CCDC88A: variants seen among roughly 807,000 people sequenced by gnomAD.
The protein encoded by CCDC88A is girdin.
A neutral mutation model predicts 234.3 loss-of-function variants in CCDC88A; 54 were observed. The ratio of observed to expected loss-of-function variants is 0.23; its 90% confidence interval spans 0.19 to 0.29. The LOEUF (loss-of-function observed/expected upper bound fraction) is 0.29, where lower values mean the gene tolerates loss of function less well. CCDC88A is among the 10% of genes least tolerant of loss of function. The probability of loss-of-function intolerance (pLI) is 1.00; values close to 1 mark genes in which losing one functional copy is unlikely to be tolerated. For synonymous variants in CCDC88A, 753 were observed against 737.8 expected (o/e 1.02, Z -0.33); for missense variants, 1,832 against 2,123.4 (o/e 0.86, Z 2.70).
chr2:55,302,802 T>C (rs1490789629), intron 26 of CCDC88A: 3 of 250,934 alleles, frequency 1.2e-5, no homozygotes, highest in Non-Finnish European at 2.3e-5. Context: ...AGGGTTTTTT[T>C]CCTGCCAATT....
At chr2:55,351,094 G>A (rs1333691787) in intron 8 of CCDC88A, among the ~76,000 whole-genome samples, 3 of 152,208 alleles carry the variant, frequency 2.0e-5, no homozygotes, top group South Asian at 2.1e-4. Flanking sequence ...GTGTATTTCA[G>A]GATAGTTTTC....
chr2:55,297,767 C>T (rs888879536), intron 29 of CCDC88A, among the ~76,000 whole-genome samples: 1 of 151,948 alleles, frequency 6.6e-6, no homozygotes, highest in African/African-American at 2.4e-5. Context: ...GTTCTAAATG[C>T]AGAAAATTCT....
At position 55,318,112 on chromosome 2, in the gene CCDC88A, G is replaced by T. The variant is rs74904540; in HGVS notation, c.3325-271C>A. On this transcript the variant is annotated intron_variant, in intron 19 of 32. Transcript: ENST00000436346. ...TGGGTTGAATTTATTTTAAATGAAGGTGATTAGCAACCATTTGTATTATAT... is the reference window on the plus strand; with the variant it reads ...TGGGTTGAATTTATTTTAAATGAAGTTGATTAGCAACCATTTGTATTATAT... Among the ~76,000 whole-genome samples the T allele has an allele frequency of 2.1e-4, 32 of 152,116 alleles. No individual in the cohort carries two copies. The East Asian group carries it at 5.8e-3, about 28-fold the overall frequency.
Position 55,291,050 on chromosome 2 carries a change from A to G in CCDC88A, c.*150T>C, listed in dbSNP as rs1374386418. ...TATTTCTTGCCTGCTCTATTCACGA[A>G]GGACTGTTAAAAGTCTCCTTAAAGA... On this transcript the variant is annotated 3_prime_UTR_variant, in exon 33 of 33. Transcript: ENST00000436346. The G allele has an allele frequency of 6.6e-6, 1 of 152,570 alleles. No individual in the cohort carries two copies. The highest frequency in any genetic ancestry group is 2.4e-5 in the African/African-American group (1 of 41,450). 9.5% of individuals were successfully genotyped at this position (152,570 alleles called of 1,614,324 possible). A position where few individuals can be genotyped will look rare whatever the true frequency, so the allele number is the denominator to read the frequency against.
chr2:55,295,533 G>A lies in CCDC88A; in HGVS notation c.5551+64C>T, dbSNP rs753681002. The A allele has an allele frequency of 7.4e-6, 12 of 1,613,718 alleles. No homozygotes were observed. The Admixed American group carries it at 2.0e-4, about 27-fold the overall frequency. On this transcript the variant is annotated intron_variant, in intron 31 of 32. Coordinates refer to ENST00000436346, the MANE Select transcript of CCDC88A (RefSeq NM_001365480.1). ...TATAGCTAAATCATTTTGGGCACAA[G>A]AACCTATAGTATGTGTTGGGATGTC...
intron 3 of CCDC88A, among the ~76,000 whole-genome samples, chr2:55,377,490 T>C (rs1297471183): frequency 1.3e-5 from 2 of 151,894 alleles, no homozygotes; most frequent in Non-Finnish European, 2.9e-5. Context: ...ATAAGAGAGC[T>C]GTATTTTCTT....
At chr2:55,381,348 T>C (rs1217360271) in intron 3 of CCDC88A, among the ~76,000 whole-genome samples, 1 of 151,888 alleles carries the variant, frequency 6.6e-6, no homozygotes, top group African/African-American at 2.4e-5. Context: ...GCTCAGGAGT[T>C]TGAGAACGAG....
At chr2:55,323,283 T>C (rs1030516536) in intron 17 of CCDC88A, 2 of 152,226 alleles carry the variant, frequency 1.3e-5, no homozygotes, top group South Asian at 2.1e-4. Flanking sequence ...TTAAACTATC[T>C]TGAAGCACTA....
chr2:55,393,142 C>A lies in CCDC88A; in HGVS notation c.165-4256G>T, dbSNP rs376589756. ...CATTGGTAAAATTTTAAAATCTCCC[C>A]ACAGAACTCTTACATATTTAAGTTT... On this transcript the variant is annotated intron_variant, in intron 2 of 32. Coordinates refer to ENST00000436346, the MANE Select transcript of CCDC88A (RefSeq NM_001365480.1). Among the ~76,000 whole-genome samples, 9 of 151,914 alleles carry A rather than the reference C, an allele frequency of 5.9e-5. No individual in the cohort carries two copies. In the East Asian group the frequency reaches 1.2e-3, roughly 20 times the overall value.
intron 8 of CCDC88A, among the ~76,000 whole-genome samples, chr2:55,351,214 G>A (rs751006582): frequency 6.6e-6 from 1 of 152,126 alleles, no homozygotes; most frequent in Non-Finnish European, 1.5e-5. Context: ...GGGACTACAA[G>A]TGCACACTGC....
At chr2:55,408,310 C>G (rs867666691) in intron 2 of CCDC88A, among the ~76,000 whole-genome samples, 1 of 152,086 alleles carries the variant, frequency 6.6e-6, no homozygotes, top group Non-Finnish European at 1.5e-5. Flanking sequence ...TTACAACTCT[C>G]AGAGGCGTTT....
At chr2:55,374,107 CTCA>C (rs1673233740) in intron 4 of CCDC88A, among the ~76,000 whole-genome samples, 1 of 152,176 alleles carries the variant, frequency 6.6e-6, no homozygotes, top group East Asian at 1.9e-4. Context: ...GGCGTGGTGG[CTCA>C]TGCCTCTAAT....
At chr2:55,379,003 C>T (rs996098990) in intron 3 of CCDC88A, among the ~76,000 whole-genome samples, 1 of 152,132 alleles carries the variant, frequency 6.6e-6, no homozygotes, top group African/African-American at 2.4e-5. Flanking sequence ...ACCTTGGTCT[C>T]CCAAAGTGCA....
intron 2 of CCDC88A, among the ~76,000 whole-genome samples, chr2:55,389,244 C>T (rs1397863313): frequency 6.6e-6 from 1 of 152,054 alleles, no homozygotes; most frequent in Non-Finnish European, 1.5e-5. Context: ...CTAATAATAA[C>T]CAATAAATGT....
At chr2:55,373,316 G>A (rs1254190052) in intron 4 of CCDC88A, among the ~76,000 whole-genome samples, 1 of 151,934 alleles carries the variant, frequency 6.6e-6, no homozygotes, top group Non-Finnish European at 1.5e-5. Context: ...CAACTCCTCT[G>A]CCTTAATACT....
At chr2:55,312,217 T>C (rs1166095757) in intron 23 of CCDC88A, among the ~76,000 whole-genome samples, 1 of 152,230 alleles carries the variant, frequency 6.6e-6, no homozygotes, top group Non-Finnish European at 1.5e-5. Context: ...AATGTTTATT[T>C]GTATTTCTCA....
At chr2:55,331,438 T>C (rs1291277504) in intron 16 of CCDC88A, among the ~76,000 whole-genome samples, 1 of 152,140 alleles carries the variant, frequency 6.6e-6, no homozygotes, top group East Asian at 1.9e-4. Flanking sequence ...ATTCTGAAAA[T>C]TACATGAACA....
intron 5 of CCDC88A, among the ~76,000 whole-genome samples, chr2:55,367,279 GT>G (rs1487722203): frequency 6.6e-6 from 1 of 152,106 alleles, no homozygotes; most frequent in Non-Finnish European, 1.5e-5. Context: ...TGGGTACAGA[GT>G]TTTAGCTTCA....
chr2:55,355,493 G>C (rs964015821), intron 8 of CCDC88A, 86 bp downstream of exon 8: 2 of 1,127,976 alleles, frequency 1.8e-6, no homozygotes, highest in African/African-American at 3.1e-5. Flanking sequence ...ACACAAGCTA[G>C]CAATATTTCC....
Sources: gnomAD v4.1 joint callset for allele counts (sites outside exome capture counted in the v4.1 genomes callset) on GRCh38, gnomAD v4.1.1 for gene constraint, MANE v1.5 for transcripts, NCBI Gene and HGNC (gene_info 2026-07-23, HGNC 2026-07-21) for gene names.